The following FECH variants were observed in gnomAD, a reference collection of about 807,000 sequenced individuals.
FECH encodes ferrochelatase, mitochondrial.
Under a neutral mutation model 56.9 loss-of-function variants are expected in FECH, and 40 were observed. That is an observed-to-expected ratio of 0.70 (90% confidence interval 0.55 to 0.92). The LOEUF (loss-of-function observed/expected upper bound fraction) is 0.92, where lower values mean the gene tolerates loss of function less well. Ranked by LOEUF, FECH falls within the 40% of genes least tolerant of loss-of-function variation. FECH has a pLI of 0.00. For missense variants in FECH, 431 were observed against 529.1 expected (o/e 0.81, Z 1.82); for synonymous variants, 175 against 198.6 (o/e 0.88, Z 1.00).
At chr18:57,573,494 C>A in intron 2 of FECH, 129 bp from the exon 3 acceptor site, 1 of 1,062,110 alleles carries the variant, frequency 9.4e-7, no homozygotes. Flanking sequence ...TTTTCACTGC[C>A]GTCACACAGA....
chr18:57,567,500 T>A (rs1237849902), intron 4 of FECH, among the ~76,000 whole-genome samples: 2 of 152,234 alleles, frequency 1.3e-5, no homozygotes, highest in African/African-American at 4.8e-5. Flanking sequence ...CTAAACTTAC[T>A]TAGTCTTGTT....
intron 6 of FECH, among the ~76,000 whole-genome samples, chr18:57,560,408 T>G (rs964095807): frequency 1.3e-5 from 2 of 152,236 alleles, no homozygotes; most frequent in Admixed American, 1.3e-4. Context: ...CCCAGCACTT[T>G]GGGAGGCCAA....
intron 6 of FECH, among the ~76,000 whole-genome samples, chr18:57,560,300 T>A (rs1367554619): frequency 2.6e-5 from 4 of 152,120 alleles, no homozygotes; most frequent in Non-Finnish European, 5.9e-5. Flanking sequence ...CACACACACA[T>A]ACATACACAC....
intron 6 of FECH, among the ~76,000 whole-genome samples, chr18:57,560,771 T>G (rs1047433459): frequency 6.6e-6 from 1 of 152,240 alleles, no homozygotes; most frequent in Non-Finnish European, 1.5e-5. Context: ...TGTAACTTTT[T>G]AAAAATTATA....
At chr18:57,560,461 A>G (rs1406699657) in intron 6 of FECH, among the ~76,000 whole-genome samples, 2 of 152,244 alleles carry the variant, frequency 1.3e-5, no homozygotes, top group Non-Finnish European at 2.9e-5. Flanking sequence ...GACTAGCCTG[A>G]GCAACATGGA....
At chr18:57,566,031 A>G (rs1242964221) in intron 5 of FECH, among the ~76,000 whole-genome samples, 4 of 152,364 alleles carry the variant, frequency 2.6e-5, no homozygotes, top group African/African-American at 9.6e-5. Context: ...GCAACAAAAT[A>G]TCAGTATTTC....
chr18:57,554,291 T>A lies in FECH; in HGVS notation c.1046A>T (p.Asp349Val). 1.2e-6 allele frequency: 2 copies of A among 1,614,254 alleles called. No individual in the cohort carries two copies. Among genetic ancestry groups the A allele is most frequent in the Non-Finnish European group, 1.7e-6 (2 of 1,180,034 alleles). Residue 349 changes from aspartate to valine, a missense_variant, in exon 9 of 11, where the codon GAC becomes GTC. Physicochemically the swap from Asp to Val is radical, Grantham distance 152. Transcript: ENST00000262093. Reference protein sequence around the residue: ...SDHIETLYELDIEYSQVLAKE... With the variant: ...SDHIETLYELVIEYSQVLAKE... ...GGCTAAAACTTGAGAGTACTCGATG[T>A]CCAGCTCATACAGCGTTTCAATATG...
At chr18:57,551,618 A>C (rs754529390) in intron 9 of FECH, among the ~76,000 whole-genome samples, 11 of 152,126 alleles carry the variant, frequency 7.2e-5, no homozygotes, top group Non-Finnish European at 1.5e-4. Flanking sequence ...TACCTTCCTA[A>C]AGGTGGTTTG....
intron 7 of FECH, among the ~76,000 whole-genome samples, chr18:57,555,830 A>C (rs948261581): frequency 3.3e-5 from 5 of 152,242 alleles, no homozygotes; most frequent in African/African-American, 1.2e-4. Context: ...ATATTGGTGA[A>C]ATGAAATATA....
chr18:57,555,381 G>A (rs1270294006), intron 7 of FECH, among the ~76,000 whole-genome samples: 1 of 152,132 alleles, frequency 6.6e-6, no homozygotes, highest in Non-Finnish European at 1.5e-5. Context: ...CAGAACTGCT[G>A]GATTTATGGT....
At position 57,546,229 on chromosome 18, in the gene FECH, T is replaced by C. The variant is rs530719534; in HGVS notation, c.*4483A>G. On this transcript the variant is annotated 3_prime_UTR_variant, in exon 11 of 11. Coordinates refer to ENST00000262093, the MANE Select transcript of FECH (RefSeq NM_000140.5). ...AGGTTAAGAGGTGAATTGGAGGTTC[T>C]TGGCTGATGCACCTGTGCCTTCACG... Among the ~76,000 whole-genome samples the C allele has an allele frequency of 1.3e-5, 2 of 152,332 alleles. No individual in the cohort carries two copies. Among genetic ancestry groups the C allele is most frequent in the Non-Finnish European group, 2.9e-5 (2 of 68,026 alleles).
chr18:57,572,675 T>C (rs973770885), intron 3 of FECH, among the ~76,000 whole-genome samples: 1 of 151,858 alleles, frequency 6.6e-6, no homozygotes, highest in South Asian at 2.1e-4. Context: ...ACGGACTATT[T>C]CTGGATGTAA....
intron 3 of FECH, among the ~76,000 whole-genome samples, chr18:57,572,617 AT>A (rs2122327083): frequency 8.2e-6 from 1 of 121,616 alleles, no homozygotes; most frequent in East Asian, 2.9e-4. Flanking sequence ...GTGTGTATGT[AT>A]GTATGTGCGC....
chr18:57,586,200 T>C (rs2051369506), intron 1 of FECH, among the ~76,000 whole-genome samples: 1 of 152,204 alleles, frequency 6.6e-6, no homozygotes, highest in Non-Finnish European at 1.5e-5. Context: ...CTATCCTCTA[T>C]GGCAGGCCCA....
chr18:57,574,392 T>C (rs764467192), intron 2 of FECH, among the ~76,000 whole-genome samples: 10 of 152,204 alleles, frequency 6.6e-5, no homozygotes, highest in East Asian at 1.9e-4. Context: ...CCATCCTGCA[T>C]GTAAATTCAC....
chr18:57,571,634 T>C (rs2051112170), intron 3 of FECH, 94 bp from the exon 4 acceptor site: 2 of 1,580,916 alleles, frequency 1.3e-6, no homozygotes. Flanking sequence ...AAAGCAAAAT[T>C]TTAGAGAGCC....
chr18:57,550,560 T>A lies in FECH; in HGVS notation c.*152A>T. The A allele has an allele frequency of 1.2e-6, 1 of 860,808 alleles. No individual in the cohort carries two copies. The highest frequency in any genetic ancestry group is 2.6e-5 in the East Asian group (1 of 38,292). The allele number at this position is 860,808 out of a possible 1,614,324, so 53.3% of individuals were successfully genotyped here. On this transcript the variant is annotated 3_prime_UTR_variant, in exon 11 of 11. Transcript: ENST00000262093. ...AAATAGAAATCCATCAAGAGTCCAA[T>A]CCTCAAGAAACCACACAATTTGTAC...
Position 57,550,080 on chromosome 18 carries a change from C to G in FECH, c.*632G>C, listed in dbSNP as rs2050777305. On this transcript the variant is annotated 3_prime_UTR_variant, in exon 11 of 11. Coordinates refer to ENST00000262093, the MANE Select transcript of FECH (RefSeq NM_000140.5). The stretch of plus-strand genomic sequence containing the variant: ...GGGTGTATGGGGAATCTAAGAGCAC[C>G]TCTGAAATCCATACTTGATTCCTTT... 1 of 152,978 alleles carries G rather than the reference C, an allele frequency of 6.5e-6. No homozygotes were observed. The highest frequency in any genetic ancestry group is 1.5e-5 in the Non-Finnish European group (1 of 68,712). The allele number at this position is 152,978 out of a possible 1,614,324, so 9.5% of individuals were successfully genotyped here. A position where few individuals can be genotyped will look rare whatever the true frequency, so the allele number is the denominator to read the frequency against.
intron 5 of FECH, among the ~76,000 whole-genome samples, chr18:57,563,567 C>A (rs12965924): frequency 9.9e-6 from 1 of 100,578 alleles, no homozygotes; most frequent in Admixed American, 1.3e-4. Context: ...GCAACAAGAG[C>A]GAAACTCCGT....
Sources: allele counts gnomAD v4.1 joint callset (sites outside exome capture counted in the v4.1 genomes callset), GRCh38; gene constraint gnomAD v4.1.1; transcripts MANE v1.5; gene names NCBI Gene and HGNC (gene_info 2026-07-23, HGNC 2026-07-21).